The following PGAP4 variants were observed in gnomAD, a reference collection of about 807,000 sequenced individuals.
PGAP4 encodes the protein GPI-N-acetylgalactosamine transferase PGAP4.
PGAP4 carries 12 observed loss-of-function variants against 28.2 expected under a neutral mutation model. The ratio of observed to expected loss-of-function variants is 0.42; its 90% CI spans 0.27 to 0.69. PGAP4 has a LOEUF of 0.69. Ranked by LOEUF, PGAP4 falls within the 30% of genes least tolerant of loss-of-function variation. PGAP4 has a pLI of 0.22. For synonymous variants in PGAP4, 205 were observed against 211.8 expected (o/e 0.97, Z 0.28); for missense variants, 425 against 513.5 (o/e 0.83, Z 1.67).
chr9:101,517,557 G>A (rs778612642), intron 2 of PGAP4, among the ~76,000 whole-genome samples: 1 of 152,054 alleles, frequency 6.6e-6, no homozygotes, highest in Non-Finnish European at 1.5e-5. Flanking sequence ...TTTTAGAGGG[G>A]TACATCTAGA....
intron 2 of PGAP4, among the ~76,000 whole-genome samples, chr9:101,520,377 T>C (rs542011681): frequency 5.3e-5 from 8 of 152,236 alleles, no homozygotes; most frequent in African/African-American, 1.7e-4. Flanking sequence ...ATGTCATCTA[T>C]GATTTCTTTC....
chr9:101,475,562 C>A lies in PGAP4; in HGVS notation c.*319G>T, dbSNP rs1263670270. 5 of 311,244 alleles carry A rather than the reference C, an allele frequency of 1.6e-5. No individual in the cohort carries two copies. Among genetic ancestry groups the A allele is most frequent in the Non-Finnish European group, 1.8e-5 (3 of 168,546 alleles). The allele number at this position is 311,244 out of a possible 1,614,324, so 19.3% of individuals were successfully genotyped here. A position where few individuals can be genotyped will look rare whatever the true frequency, so the allele number is the denominator to read the frequency against. ...GCACAAAATTTTTGGCAGTCACAAG[C>A]TCTAACACAAAGCAGAGCTTAAAAA... On this transcript the variant is annotated 3_prime_UTR_variant, in exon 2 of 2. Transcript: ENST00000374848.
intron 2 of PGAP4, among the ~76,000 whole-genome samples, chr9:101,514,443 C>A (rs1050091007): frequency 2.0e-5 from 3 of 152,078 alleles, no homozygotes; most frequent in Admixed American, 1.3e-4. Flanking sequence ...GAAAGAAAAT[C>A]AAAATTTTAT....
chr9:101,487,827 T>A (rs536749813), upstream of PGAP4, among the ~76,000 whole-genome samples: 1 of 152,174 alleles, frequency 6.6e-6, no homozygotes. Context: ...AATTCAAAAT[T>A]TGATGATCGT....
chr9:101,488,504 T>C (rs962211662), upstream of PGAP4, among the ~76,000 whole-genome samples: 6 of 152,190 alleles, frequency 3.9e-5, no homozygotes, highest in African/African-American at 1.4e-4. Flanking sequence ...GACAGTGATA[T>C]TTCCCTCATA....
In PGAP4 at chr9:101,475,313, C is replaced by T. The variant is rs996097070; in HGVS notation, c.*568G>A. On this transcript the variant is annotated 3_prime_UTR_variant, in exon 2 of 2. Transcript: ENST00000374848. ...AGAAAATCCCAGGTAACAGAAAAGCCAGATCACCTGCCTCCAAGATGCCGG... is the reference window on the plus strand; with the variant it reads ...AGAAAATCCCAGGTAACAGAAAAGCTAGATCACCTGCCTCCAAGATGCCGG... The T allele has an allele frequency of 1.3e-5, 2 of 156,512 alleles. No individual in the cohort carries two copies. Among genetic ancestry groups the T allele is most frequent in the African/African-American group, 4.8e-5 (2 of 41,460 alleles). 9.7% of individuals were successfully genotyped at this position (156,512 alleles called of 1,614,324 possible). A position where few individuals can be genotyped will look rare whatever the true frequency, so the allele number is the denominator to read the frequency against.
intron 2 of PGAP4, among the ~76,000 whole-genome samples, chr9:101,496,461 T>G (rs1158425741): frequency 6.6e-6 from 1 of 151,452 alleles, no homozygotes; most frequent in Non-Finnish European, 1.5e-5. Flanking sequence ...AAATTAATAT[T>G]TTAAGAAAAC....
chr9:101,507,719 A>C (rs1348082709), intron 2 of PGAP4, among the ~76,000 whole-genome samples: 1 of 152,134 alleles, frequency 6.6e-6, no homozygotes, highest in Middle Eastern at 3.2e-3. Context: ...ATGGTCACAC[A>C]GCTACATGGT....
At chr9:101,493,437 T>C (rs1826710148) in intron 2 of PGAP4, among the ~76,000 whole-genome samples, 1 of 152,228 alleles carries the variant, frequency 6.6e-6, no homozygotes, top group South Asian at 2.1e-4. Flanking sequence ...GATTGATCAT[T>C]ACGCATTCTA....
intron 2 of PGAP4, among the ~76,000 whole-genome samples, chr9:101,525,603 A>C (rs140757066): frequency 0.015 from 2,335 of 151,476 alleles, 63 homozygotes; most frequent in Admixed American, 0.064. Context: ...GCTACTCAGG[A>C]AGCTAAGGAA....
At chr9:101,514,855 T>A (rs1358590211) in intron 2 of PGAP4, among the ~76,000 whole-genome samples, 1 of 152,194 alleles carries the variant, frequency 6.6e-6, no homozygotes, top group Non-Finnish European at 1.5e-5. Context: ...ATCATGACTT[T>A]ATACTGATGT....
At chr9:101,512,820 A>T (rs933104465) in intron 2 of PGAP4, among the ~76,000 whole-genome samples, 1 of 151,958 alleles carries the variant, frequency 6.6e-6, no homozygotes, top group African/African-American at 2.4e-5. Context: ...TTTGCATTCA[A>T]TTTTTTTTAA....
At chr9:101,522,468 T>C (rs1826997375) in intron 2 of PGAP4, among the ~76,000 whole-genome samples, 2 of 152,318 alleles carry the variant, frequency 1.3e-5, no homozygotes, top group South Asian at 2.1e-4. Flanking sequence ...TTATATAATG[T>C]CCCTCATTGT....
intron 2 of PGAP4, among the ~76,000 whole-genome samples, chr9:101,493,655 T>A (rs540227989): frequency 6.6e-6 from 1 of 152,334 alleles, no homozygotes; most frequent in Admixed American, 6.5e-5. Flanking sequence ...ATATGGAATC[T>A]TATTTAATGT....
chr9:101,520,561 T>A (rs969560132), intron 2 of PGAP4, among the ~76,000 whole-genome samples: 1 of 152,228 alleles, frequency 6.6e-6, no homozygotes, highest in African/African-American at 2.4e-5. Flanking sequence ...TTGTGTACAT[T>A]AATGTTGTAT....
At chr9:101,520,220 T>C (rs1466419567) in intron 2 of PGAP4, among the ~76,000 whole-genome samples, 1 of 152,186 alleles carries the variant, frequency 6.6e-6, no homozygotes, top group Non-Finnish European at 1.5e-5. Flanking sequence ...ATATGAATTT[T>C]AGAATTGTGT....
intron 2 of PGAP4, among the ~76,000 whole-genome samples, chr9:101,501,435 T>G (rs1418727442): frequency 6.6e-6 from 1 of 152,118 alleles, no homozygotes; most frequent in African/African-American, 2.4e-5. Context: ...TATTTCAGAT[T>G]TCCAGACTCC....
chr9:101,505,031 C>T (rs1826838152), intron 2 of PGAP4, among the ~76,000 whole-genome samples: 1 of 152,118 alleles, frequency 6.6e-6, no homozygotes, highest in South Asian at 2.1e-4. Context: ...ATGAAAATAG[C>T]ACACAACTGA....
chr9:101,479,670 C>T (rs952007012), intron 1 of PGAP4, among the ~76,000 whole-genome samples: 1 of 152,204 alleles, frequency 6.6e-6, no homozygotes, highest in African/African-American at 2.4e-5. Flanking sequence ...CACATGGTCC[C>T]TACCTATATT....
Sources: allele counts gnomAD v4.1 joint callset (sites outside exome capture counted in the v4.1 genomes callset), GRCh38; gene constraint gnomAD v4.1.1; transcripts MANE v1.5; gene names NCBI Gene and HGNC (gene_info 2026-07-23, HGNC 2026-07-21).